NCKAP5L: variants seen among roughly 807,000 people sequenced by gnomAD.
NCKAP5L encodes the protein NCK associated protein 5 like.
NCKAP5L carries 54 observed loss-of-function variants against 103.2 expected under a neutral mutation model. The observed-to-expected ratio is 0.52, with a 90% CI of 0.42 to 0.66. The LOEUF (loss-of-function observed/expected upper bound fraction) is 0.66, where lower values mean the gene tolerates loss of function less well. NCKAP5L is among the 30% of genes least tolerant of loss of function. NCKAP5L has a pLI of 0.00. For missense variants in NCKAP5L, 1,733 were observed against 1,750.6 expected (o/e 0.99, Z 0.18); for synonymous variants, 762 against 748.6 (o/e 1.02, Z -0.29).
At chr12:49,820,029 T>C (rs1946343483) in intron 1 of NCKAP5L, among the ~76,000 whole-genome samples, 1 of 152,230 alleles carries the variant, frequency 6.6e-6, no homozygotes, top group Non-Finnish European at 1.5e-5. Context: ...CCCTGGCCCA[T>C]GCCAATAACT....
chr12:49,791,909 C>A lies in NCKAP5L; in HGVS notation c.3935G>T (p.Gly1312Val). The A allele has an allele frequency of 6.2e-7, 1 of 1,612,334 alleles. No homozygotes were observed. Among genetic ancestry groups the A allele is most frequent in the South Asian group, 1.1e-5 (1 of 90,912 alleles). ...ACTGAGAGACTCCGAGGTCTCCAGCCCTGGGGGGCCCCCGCTGGCCACTCT... is the reference window on the plus strand; with the variant it reads ...ACTGAGAGACTCCGAGGTCTCCAGCACTGGGGGGCCCCCGCTGGCCACTCT... ...EGRVASGGPP[G>V]LETSESLSDS... Residue 1312 changes from glycine to valine, a missense_variant, in exon 13 of 13, where the codon GGG becomes GTG. Coordinates refer to ENST00000335999, the MANE Select transcript of NCKAP5L (RefSeq NM_001037806.4).
In NCKAP5L at chr12:49,797,084, C is replaced by T. The variant is rs746220254; in HGVS notation, c.776G>A (p.Arg259His). 18 of 1,582,306 alleles carry T rather than the reference C, an allele frequency of 1.1e-5. No homozygotes were observed. Among genetic ancestry groups the T allele is most frequent in the East Asian group, 4.6e-5 (2 of 43,244 alleles). ...GNLGGLLHWE[R>H]LLGGLGGEED... ...TTCCCCTCCCAGACCCCCCAAGAGG[C>T]GCTCCCAGTGCAGCAGGCCTCCCAG... The change falls in exon 8 of 13, where the codon CGC becomes CAC. Residue 259 changes from arginine to histidine, a missense_variant. Transcript: ENST00000335999. This position sits in a 1 kb window ranked among gnomAD's most constrained non-coding sequence, Gnocchi z 4.5.
chr12:49,797,729 G>T lies in NCKAP5L; in HGVS notation c.466-335C>A, dbSNP rs1450352110. The stretch of plus-strand genomic sequence containing the variant: ...AACTCTGACCTCTGTGTTTGTCCCA[G>T]GGGAGGGAGGCCTGTCCATTTCTCG... On this transcript the variant is annotated intron_variant, in intron 7 of 12. Coordinates refer to ENST00000335999, the MANE Select transcript of NCKAP5L (RefSeq NM_001037806.4). This position sits in a 1 kb window ranked among gnomAD's most constrained non-coding sequence, Gnocchi z 4.5. Among the ~76,000 whole-genome samples, 1 of 152,146 alleles carries T rather than the reference G, an allele frequency of 6.6e-6. No individual in the cohort carries two copies. The highest frequency in any genetic ancestry group is 1.9e-4 in the East Asian group (1 of 5,194).
At chr12:49,810,745 G>A (rs772030971) in intron 1 of NCKAP5L, among the ~76,000 whole-genome samples, 11 of 152,128 alleles carry the variant, frequency 7.2e-5, no homozygotes, top group Non-Finnish European at 1.3e-4. Flanking sequence ...ATTATTATTT[G>A]TGTTTTTGGA....
Position 49,796,113 on chromosome 12 carries a change from T to C in NCKAP5L, c.1747A>G (p.Thr583Ala), listed in dbSNP as rs1438697483. Residue 583 changes from threonine (T) to alanine (A), a missense_variant, in exon 8 of 13, where the codon ACC becomes GCC. Physicochemically the swap from Thr to Ala is moderately conservative, Grantham distance 58. Transcript: ENST00000335999. ...EPPPSPLQVP[T>A]YPQLTLEVPQ... ...ACCTCCAGAGTTAGCTGTGGGTAGG[T>C]GGGCACCTGCAGTGGGGATGGAGGT... 6.2e-7 allele frequency: 1 copy of C among 1,610,162 alleles called. No individual in the cohort carries two copies. The highest frequency in any genetic ancestry group is 2.2e-5 in the East Asian group (1 of 44,852).
At chr12:49,807,571 A>AT (rs2137020483) in intron 1 of NCKAP5L, among the ~76,000 whole-genome samples, 1 of 152,368 alleles carries the variant, frequency 6.6e-6, no homozygotes, top group Non-Finnish European at 1.5e-5. Context: ...AAAATGTATC[A>AT]TATTTAACTT....
In NCKAP5L at chr12:49,827,156, C is replaced by G. The variant is rs80139143; in HGVS notation, c.-99+1166G>C. Among the ~76,000 whole-genome samples, 383 of 152,216 alleles carry G rather than the reference C, an allele frequency of 2.5e-3. 5 individuals are homozygous for G. The highest frequency in any genetic ancestry group is 1.2e-3 in the Non-Finnish European group (82 of 68,006). On this transcript the variant is annotated intron_variant, in intron 1 of 12. Coordinates refer to ENST00000335999, the MANE Select transcript of NCKAP5L (RefSeq NM_001037806.4). ...GCAAATGGGCTATGTTCATTTTCCC[C>G]GAAAGTACTGACCACAAAACGGTAA... is the stretch of plus-strand genomic sequence containing the variant.
At position 49,799,817 on chromosome 12, in the gene NCKAP5L, C is replaced by T. The variant is rs77079885; in HGVS notation, c.352-1354G>A. On this transcript the variant is annotated intron_variant, in intron 6 of 12. Transcript: ENST00000335999. Reference sequence around the variant, plus strand: ...CAGCCAAGCTGCACAGCTTGCTGCTCTCTGGGCTTCCCTGCCCTTGGATCT... The same window carrying T: ...CAGCCAAGCTGCACAGCTTGCTGCTTTCTGGGCTTCCCTGCCCTTGGATCT... 3.4e-3 allele frequency among the ~76,000 whole-genome samples: 517 copies of T among 152,316 alleles called. 3 individuals carry two copies. Among genetic ancestry groups the T allele is most frequent in the African/African-American group, 0.012 (504 of 41,578 alleles).
chr12:49,824,631 C>T (rs1157569207), intron 1 of NCKAP5L, among the ~76,000 whole-genome samples: 3 of 152,208 alleles, frequency 2.0e-5, no homozygotes, highest in African/African-American at 4.8e-5. Flanking sequence ...CCAGTAGAGA[C>T]TCAAACTAGG....
At chr12:49,813,818 G>T (rs1946267279) in intron 1 of NCKAP5L, among the ~76,000 whole-genome samples, 1 of 152,122 alleles carries the variant, frequency 6.6e-6, no homozygotes, top group South Asian at 2.1e-4. Context: ...ATGAGACACT[G>T]CGCCTGGCCT....
chr12:49,824,726 G>A (rs1946398081), intron 1 of NCKAP5L, among the ~76,000 whole-genome samples: 1 of 152,214 alleles, frequency 6.6e-6, no homozygotes, highest in African/African-American at 2.4e-5. Context: ...ACAGATGCCG[G>A]GACAGACAAA....
chr12:49,798,571 C>T, intron 6 of NCKAP5L, 108 bp from the exon 7 acceptor site: 1 of 892,900 alleles, frequency 1.1e-6, no homozygotes, highest in Non-Finnish European at 1.8e-6. Context: ...CGGAGGACTC[C>T]CAGACTCCCA....
chr12:49,803,819 C>G, intron 3 of NCKAP5L, 103 bp downstream of exon 3: 1 of 1,447,688 alleles, frequency 6.9e-7, no homozygotes, highest in East Asian at 2.3e-5. Context: ...GAGAGGAAGG[C>G]CCATGGCACC....
chr12:49,823,838 T>G (rs1377309546), intron 1 of NCKAP5L, among the ~76,000 whole-genome samples: 2 of 152,056 alleles, frequency 1.3e-5, no homozygotes, highest in Non-Finnish European at 1.5e-5. Flanking sequence ...CTCCCAGAGC[T>G]GGGAAAATGG....
intron 1 of NCKAP5L, among the ~76,000 whole-genome samples, chr12:49,818,271 A>G (rs1170643176): frequency 2.6e-5 from 4 of 152,244 alleles, no homozygotes; most frequent in Non-Finnish European, 4.4e-5. Flanking sequence ...AGCACAGGCA[A>G]CAAAGGGGAT....
At chr12:49,814,160 TTATATA>T (rs141969862) in intron 1 of NCKAP5L, among the ~76,000 whole-genome samples, 37 of 124,632 alleles carry the variant, frequency 3.0e-4, no homozygotes, top group African/African-American at 1.1e-3. Flanking sequence ...TATTTTATAT[TTATATA>T]TATATATATA....
intron 2 of NCKAP5L, chr12:49,804,705 G>A (rs1477091231): frequency 1.3e-5 from 2 of 152,168 alleles, no homozygotes; most frequent in Admixed American, 6.6e-5. Flanking sequence ...TCATTCACTC[G>A]GTCAACCAGA....
intron 1 of NCKAP5L, among the ~76,000 whole-genome samples, chr12:49,820,318 T>C: frequency 6.7e-6 from 1 of 148,484 alleles, no homozygotes. Flanking sequence ...CTGGCCTTTT[T>C]TTTTTTTTTT....
intron 1 of NCKAP5L, among the ~76,000 whole-genome samples, chr12:49,821,065 G>C (rs74092117): frequency 6.6e-6 from 1 of 152,160 alleles, no homozygotes; most frequent in African/African-American, 2.4e-5. Flanking sequence ...TAAGGAGCTC[G>C]GCAGGGCCTT....
Sources: gnomAD v4.1 joint callset for allele counts (sites outside exome capture counted in the v4.1 genomes callset) on GRCh38, gnomAD v4.1.1 for gene constraint, Gnocchi (gnomAD v3.1) non-coding constraint, MANE v1.5 for transcripts, NCBI Gene and HGNC (gene_info 2026-07-23, HGNC 2026-07-21) for gene names.